Variants in FAM184A observed in about 807,000 individuals in gnomAD.
The protein encoded by FAM184A is family with sequence similarity 184 member A.
In FAM184A, 99 loss-of-function variants were observed where a neutral mutation model predicts 143.8. The observed-to-expected ratio is 0.69, with a 90% CI of 0.58 to 0.81. FAM184A has a LOEUF of 0.81. Ranked by LOEUF, FAM184A falls within the 40% of genes least tolerant of loss-of-function variation. The pLI is 0.00. For synonymous variants in FAM184A, 427 were observed against 446.4 expected, an observed-to-expected ratio of 0.96 and a Z score of 0.55; for missense variants, 1,217 against 1,310.5, an observed-to-expected ratio of 0.93 and a Z score of 1.10.
rs752927471 is a variant in FAM184A at position 119,016,957 on chromosome 6, CAAAG to C, written c.1333-17_1333-14del. On this transcript the variant is annotated splice_polypyrimidine_tract_variant and intron_variant, in intron 4 of 17. Transcript: ENST00000338891. ...CTTCATTTACTTTCTAAAATTAAAA[CAAAG>C]ATCAATAATCGGCACCTGCTTTTTT... 6.3e-7 allele frequency: 1 copy of C among 1,576,806 alleles called. No individual in the cohort carries two copies. The highest frequency in any genetic ancestry group is 1.8e-5 in the Admixed American group (1 of 56,200).
chr6:119,078,975 G>C (rs963325929), upstream of FAM184A: 12 of 152,274 alleles, frequency 7.9e-5, no homozygotes, highest in Non-Finnish European at 1.6e-4. The surrounding 1 kb of genome is among the most constrained non-coding windows in gnomAD (Gnocchi z 5.5). Flanking sequence ...AAAAAAAAAA[G>C]TATCCCCAAG....
intron 6 of FAM184A, among the ~76,000 whole-genome samples, chr6:119,009,978 G>A (rs1017222375): frequency 6.6e-6 from 1 of 152,110 alleles, no homozygotes; most frequent in Admixed American, 6.5e-5. Flanking sequence ...GACCCTAAAT[G>A]CCTTCACTTT....
At chr6:119,109,480 GTCTGTCTC>G (rs910016896) in intron 1 of FAM184A, among the ~76,000 whole-genome samples, 1 of 151,966 alleles carries the variant, frequency 6.6e-6, no homozygotes, top group African/African-American at 2.4e-5. Context: ...CTCTCTCTCT[GTCTGTCTC>G]TCTGTCTCTC....
intron 1 of FAM184A, among the ~76,000 whole-genome samples, chr6:119,065,640 G>A (rs545901888): frequency 2.6e-5 from 4 of 152,116 alleles, no homozygotes; most frequent in Non-Finnish European, 4.4e-5. Flanking sequence ...TGACAGACCC[G>A]TTATCCTCAA....
chr6:119,122,118 A>G (rs1231990744), intron 1 of FAM184A, among the ~76,000 whole-genome samples: 5 of 152,008 alleles, frequency 3.3e-5, no homozygotes, highest in African/African-American at 1.2e-4. Flanking sequence ...TAATTAATCC[A>G]TCTCTTTGGA....
In FAM184A at chr6:118,973,049, A is replaced by C. The variant is rs147379245; in HGVS notation, c.2915+1379T>G. On this transcript the variant is annotated intron_variant, in intron 14 of 17. Transcript: ENST00000338891. ...AAGTTTCCTCACCATTTCAAAGGCA[A>C]CTTCAAAAAGTGGTAAATATGATGG... Among the ~76,000 whole-genome samples the C allele has an allele frequency of 1.2e-3, 185 of 152,304 alleles. 3 individuals carry two copies. In the East Asian group the frequency reaches 0.032, roughly 26 times the overall value.
intron 1 of FAM184A, among the ~76,000 whole-genome samples, chr6:119,057,217 A>G (rs1244900781): frequency 1.3e-5 from 2 of 152,226 alleles, no homozygotes; most frequent in Non-Finnish European, 2.9e-5. Context: ...AATGGCCTTG[A>G]AATTATGGTC....
intron 1 of FAM184A, among the ~76,000 whole-genome samples, chr6:119,121,906 A>G (rs544641405): frequency 5.1e-4 from 77 of 152,248 alleles, no homozygotes; most frequent in Non-Finnish European, 7.9e-4. Flanking sequence ...GACTCTTGGT[A>G]ACTTTTTATT....
In FAM184A at chr6:119,001,480, C is replaced by A. The variant is rs146154488; in HGVS notation, c.2088+1419G>T. 6.6e-5 allele frequency among the ~76,000 whole-genome samples: 10 copies of A among 151,980 alleles called. 1 individual carries two copies. The East Asian group carries it at 1.9e-3, about 29-fold the overall frequency. On this transcript the variant is annotated intron_variant, in intron 9 of 17. Transcript: ENST00000338891. The stretch of plus-strand genomic sequence containing the variant: ...CAAAAACTGGAGCTAATATGTAATA[C>A]ATTATTTTATGATATACAGAACCAC...
At chr6:119,058,326 C>T (rs1290400068) in intron 1 of FAM184A, among the ~76,000 whole-genome samples, 1 of 151,690 alleles carries the variant, frequency 6.6e-6, no homozygotes, top group Non-Finnish European at 1.5e-5. Context: ...CCTCTTGCCT[C>T]AGTAGCTGGG....
At chr6:119,029,384 T>G (rs1391043397) in intron 1 of FAM184A, among the ~76,000 whole-genome samples, 1 of 152,214 alleles carries the variant, frequency 6.6e-6, no homozygotes, top group Non-Finnish European at 1.5e-5. Context: ...TAAATTTCCC[T>G]CGAAGCTTTG....
At chr6:118,995,486 A>T (rs1316504633) in intron 9 of FAM184A, among the ~76,000 whole-genome samples, 3 of 152,218 alleles carry the variant, frequency 2.0e-5, no homozygotes, top group South Asian at 4.1e-4. Flanking sequence ...AAAGCAAATT[A>T]TGTAAACTCT....
chr6:119,127,488 T>C (rs1789402899), intron 1 of FAM184A, among the ~76,000 whole-genome samples: 1 of 152,178 alleles, frequency 6.6e-6, no homozygotes, highest in African/African-American at 2.4e-5. Context: ...AGAGGACATA[T>C]CCTGGGTAAC....
In FAM184A at chr6:118,995,976, A is replaced by G. The variant is rs186544778; in HGVS notation, c.2088+6923T>C. On this transcript the variant is annotated intron_variant, in intron 9 of 17. Coordinates refer to ENST00000338891, the MANE Select transcript of FAM184A (RefSeq NM_024581.6). ...GAACAGATTTTGCTCAGTATTCATT[A>G]AAGACTGCCCAGTATTCTTAACGCA... 2.0e-4 allele frequency among the ~76,000 whole-genome samples: 30 copies of G among 152,326 alleles called. No homozygotes were observed. The East Asian group carries it at 5.8e-3, about 29-fold the overall frequency.
At chr6:119,026,218 G>A (rs918955582) in intron 1 of FAM184A, among the ~76,000 whole-genome samples, 41 of 152,058 alleles carry the variant, frequency 2.7e-4, no homozygotes, top group Non-Finnish European at 5.9e-5. Flanking sequence ...AAAGTCTACA[G>A]GAAAAAATGT....
Position 119,011,316 on chromosome 6 carries a change from T to A in FAM184A, c.1646A>T (p.Asn549Ile). The change falls in exon 6 of 18, where the codon AAT becomes ATT. Residue 549 changes from asparagine to isoleucine, a missense_variant. Coordinates refer to ENST00000338891, the MANE Select transcript of FAM184A (RefSeq NM_024581.6). ...GGTCTAAAGAATTCTTGCCTCTTGA[T>A]TGGCTGTATTCAACTTGTCTTCCAG... The part of the protein sequence containing the change: ...EVLEDKLNTA[N>I]QEIGHLQDMV... 1 of 1,608,220 alleles carries A rather than the reference T, an allele frequency of 6.2e-7. No individual in the cohort carries two copies. Among genetic ancestry groups the A allele is most frequent in the South Asian group, 1.1e-5 (1 of 89,662 alleles).
intron 1 of FAM184A, among the ~76,000 whole-genome samples, chr6:119,097,878 C>T (rs1370239797): frequency 1.3e-5 from 2 of 152,142 alleles, no homozygotes; most frequent in African/African-American, 4.8e-5. Context: ...TGTCTTGGAG[C>T]TGGCCATAAA....
chr6:119,127,863 A>G (rs1045050469), intron 1 of FAM184A, among the ~76,000 whole-genome samples: 3 of 151,982 alleles, frequency 2.0e-5, no homozygotes, highest in Non-Finnish European at 2.9e-5. Flanking sequence ...TTCAACAAAC[A>G]TTCATTGACC....
At chr6:119,105,180 A>G (rs944584366) in intron 1 of FAM184A, among the ~76,000 whole-genome samples, 15 of 152,348 alleles carry the variant, frequency 9.8e-5, no homozygotes, top group African/African-American at 3.4e-4. Context: ...AGTGTGTCAT[A>G]CTAATATAAA....
Sources: gnomAD v4.1 joint callset for allele counts (sites outside exome capture counted in the v4.1 genomes callset) on GRCh38, gnomAD v4.1.1 for gene constraint, Gnocchi (gnomAD v3.1) non-coding constraint, MANE v1.5 for transcripts, NCBI Gene and HGNC (gene_info 2026-07-23, HGNC 2026-07-21) for gene names.